The following CADM2 variants were observed in gnomAD, a reference collection of about 807,000 sequenced individuals.
The protein encoded by CADM2 is immunoglobulin superfamily member 4D.
CADM2 carries 12 observed loss-of-function variants against 49.8 expected under a neutral mutation model. The observed-to-expected ratio is 0.24, with a 90% confidence interval of 0.15 to 0.39. CADM2 has a LOEUF of 0.39. Among genes scored for constraint, CADM2 ranks in the 10% least tolerant of loss-of-function variants. The pLI is 1.00. For missense variants in CADM2, 378 were observed against 492.3 expected, an observed-to-expected ratio of 0.77 and a Z score of 2.20; for synonymous variants, 214 against 175.4, an observed-to-expected ratio of 1.22 and a Z score of -1.74.
intron 1 of CADM2, among the ~76,000 whole-genome samples, chr3:85,193,165 A>T (rs2041250097): frequency 1.3e-5 from 2 of 152,114 alleles, no homozygotes; most frequent in Non-Finnish European, 2.9e-5. Flanking sequence ...TATATGGGAT[A>T]TATGAGACAT....
chr3:85,142,707 T>C (rs937508239), intron 1 of CADM2, among the ~76,000 whole-genome samples: 22 of 152,270 alleles, frequency 1.4e-4, no homozygotes, highest in African/African-American at 4.6e-4. Context: ...AAATGAAGAA[T>C]CATAAGCTAC....
chr3:85,598,510 T>C (rs928308223), intron 1 of CADM2, among the ~76,000 whole-genome samples: 4 of 151,902 alleles, frequency 2.6e-5, no homozygotes, highest in Non-Finnish European at 4.4e-5. Flanking sequence ...ATTCTACGTA[T>C]GGAGGAAGAT....
chr3:85,869,803 T>C (rs545971203), intron 3 of CADM2, among the ~76,000 whole-genome samples: 18 of 152,088 alleles, frequency 1.2e-4, no homozygotes, highest in Middle Eastern at 3.4e-3. Flanking sequence ...GGACTACAGG[T>C]GCCCGCCACC....
At chr3:85,819,452 A>T (rs1334737717) in intron 3 of CADM2, among the ~76,000 whole-genome samples, 1 of 152,198 alleles carries the variant, frequency 6.6e-6, no homozygotes, top group Non-Finnish European at 1.5e-5. Context: ...CAAGAAATTT[A>T]CTGGGCTTTG....
chr3:85,729,764 T>G (rs1417911111), intron 2 of CADM2, among the ~76,000 whole-genome samples: 1 of 152,156 alleles, frequency 6.6e-6, no homozygotes, highest in Non-Finnish European at 1.5e-5. Context: ...TAATAAAAAT[T>G]TCTAGATAGG....
intron 1 of CADM2, among the ~76,000 whole-genome samples, chr3:85,351,454 ATGT>A (rs1373633733): frequency 1.3e-5 from 2 of 152,284 alleles, no homozygotes; most frequent in Non-Finnish European, 2.9e-5. Context: ...AAGAAATAAA[ATGT>A]TGTGTTTTTC....
In CADM2 at chr3:85,892,814, A is replaced by C. The variant is rs1041502519; in HGVS notation, c.529+6487A>C. Among the ~76,000 whole-genome samples, 10 of 152,326 alleles carry C rather than the reference A, an allele frequency of 6.6e-5. No homozygotes were observed. In the East Asian group the frequency reaches 1.7e-3, roughly 26 times the overall value. On this transcript the variant is annotated intron_variant, in intron 5 of 9. Coordinates refer to ENST00000383699, the MANE Select transcript of CADM2 (RefSeq NM_001167675.2). ...GAAACTGGGTAACAGGCAGAAAGATAGGGACAGTTTGGAGGTATCAGAAGA... is the reference window on the plus strand; with the variant it reads ...GAAACTGGGTAACAGGCAGAAAGATCGGGACAGTTTGGAGGTATCAGAAGA...
chr3:85,673,778 A>C (rs770571047), intron 1 of CADM2, among the ~76,000 whole-genome samples: 8 of 152,154 alleles, frequency 5.3e-5, no homozygotes, highest in Non-Finnish European at 1.0e-4. Flanking sequence ...TTACTTTAGC[A>C]TATGATGTGG....
intron 3 of CADM2, among the ~76,000 whole-genome samples, chr3:85,850,448 C>T (rs912712153): frequency 2.0e-5 from 3 of 151,256 alleles, no homozygotes; most frequent in African/African-American, 7.3e-5. Context: ...CCTCAGCCTC[C>T]TGAGTAGGTG....
rs6770935 is a variant in CADM2, at chr3:85,122,744, C to A, written c.61+163076C>A. On this transcript the variant is annotated intron_variant, in intron 1 of 9. Transcript: ENST00000383699. ...TTCACCTCTTTTCCTCAATCCTTGCCGGATTCCTTTTCCCTGATAGTATCA... is the reference window on the plus strand; with the variant it reads ...TTCACCTCTTTTCCTCAATCCTTGCAGGATTCCTTTTCCCTGATAGTATCA... Among the ~76,000 whole-genome samples the A allele has an allele frequency of 4.7e-3, 715 of 152,070 alleles. 6 individuals are homozygous for A. Among genetic ancestry groups the A allele is most frequent in the African/African-American group, 0.017 (692 of 41,494 alleles).
intron 2 of CADM2, among the ~76,000 whole-genome samples, chr3:85,748,590 C>T (rs575218769): frequency 5.3e-5 from 8 of 152,142 alleles, no homozygotes; most frequent in East Asian, 3.9e-4. Context: ...AGTCACATCA[C>T]GCATTTCTCA....
chr3:84,998,055 T>G (rs538389156), intron 1 of CADM2, among the ~76,000 whole-genome samples: 99 of 152,258 alleles, frequency 6.5e-4, no homozygotes, highest in African/African-American at 2.3e-3. Flanking sequence ...AATGTGTTTA[T>G]TGTATGAAAA....
At chr3:85,184,856 G>A (rs1036854792) in intron 1 of CADM2, among the ~76,000 whole-genome samples, 4 of 152,100 alleles carry the variant, frequency 2.6e-5, no homozygotes, top group Non-Finnish European at 5.9e-5. Context: ...CTAGACCTTA[G>A]TTCTTCACTG....
chr3:85,464,605 G>A (rs2038404513), intron 1 of CADM2, among the ~76,000 whole-genome samples: 2 of 152,042 alleles, frequency 1.3e-5, no homozygotes, highest in South Asian at 2.1e-4. Flanking sequence ...GCAGATGAAA[G>A]AATAATAAAA....
chr3:85,974,130 T>C (rs764248962), intron 8 of CADM2, among the ~76,000 whole-genome samples: 8 of 151,680 alleles, frequency 5.3e-5, no homozygotes, highest in Non-Finnish European at 1.2e-4. Flanking sequence ...TATAAACATG[T>C]ACACGGGTGT....
chr3:85,131,179 C>T (rs2039217407), intron 1 of CADM2, among the ~76,000 whole-genome samples: 1 of 149,648 alleles, frequency 6.7e-6, no homozygotes, highest in African/African-American at 2.5e-5. Context: ...AACTCCGTCT[C>T]AGAAAAGAAA....
At chr3:85,454,293 T>C (rs1348054865) in intron 1 of CADM2, among the ~76,000 whole-genome samples, 1 of 152,024 alleles carries the variant, frequency 6.6e-6, no homozygotes, top group African/African-American at 2.4e-5. Flanking sequence ...ATTACAACAC[T>C]GCACTCTAGC....
At chr3:85,557,826 G>A (rs1420569369) in intron 1 of CADM2, among the ~76,000 whole-genome samples, 7 of 151,934 alleles carry the variant, frequency 4.6e-5, no homozygotes, top group Non-Finnish European at 1.0e-4. Context: ...TGCCCTATGT[G>A]CCATGTCCAC....
intron 1 of CADM2, among the ~76,000 whole-genome samples, chr3:85,516,386 T>C (rs149571544): frequency 1.3e-5 from 2 of 152,178 alleles, no homozygotes; most frequent in Admixed American, 6.5e-5. Context: ...TTTCACAAAT[T>C]ATTTATTAAA....
Sources: gnomAD v4.1 joint callset for allele counts (sites outside exome capture counted in the v4.1 genomes callset) on GRCh38, gnomAD v4.1.1 for gene constraint, MANE v1.5 for transcripts, NCBI Gene and HGNC (gene_info 2026-07-23, HGNC 2026-07-21) for gene names.